Variants in DOCK9 observed in about 807,000 individuals in gnomAD.
The protein encoded by DOCK9 is dedicator of cytokinesis 9, also known as dedicator of cytokinesis protein 9.
In DOCK9, 89 loss-of-function variants were observed where a neutral mutation model predicts 263.3. The observed-to-expected ratio is 0.34, with a 90% CI of 0.28 to 0.40. The LOEUF is 0.40. DOCK9 is among the 10% of genes least tolerant of loss of function. DOCK9 has a pLI of 1.00. For synonymous variants in DOCK9, 976 were observed against 973.1 expected (o/e 1.00, Z -0.06); for missense variants, 2,140 against 2,603.4 (o/e 0.82, Z 3.87).
At chr13:98,882,413 T>C (rs1228488048) in intron 23 of DOCK9, among the ~76,000 whole-genome samples, 2 of 152,218 alleles carry the variant, frequency 1.3e-5, no homozygotes, top group African/African-American at 4.8e-5. Flanking sequence ...ATTGTTTATG[T>C]GGATATGTAT....
intron 1 of DOCK9, chr13:99,025,447 G>A (rs1406092511): frequency 1.3e-5 from 2 of 152,184 alleles, no homozygotes; most frequent in Non-Finnish European, 1.5e-5. Context: ...AAACGACAAT[G>A]AGCTTTCACT....
intron 27 of DOCK9, among the ~76,000 whole-genome samples, chr13:98,874,325 T>C (rs1177799916): frequency 1.3e-5 from 2 of 152,266 alleles, no homozygotes; most frequent in Admixed American, 6.5e-5. Flanking sequence ...CACTACTTTG[T>C]TCCATTTTAT....
intron 2 of DOCK9, among the ~76,000 whole-genome samples, chr13:98,940,089 T>C (rs1320306650): frequency 1.3e-5 from 2 of 152,252 alleles, no homozygotes; most frequent in Non-Finnish European, 2.9e-5. Context: ...TCAGAGCATA[T>C]GACTTGCTTT....
At chr13:98,979,152 A>T (rs1383395344), upstream of DOCK9, among the ~76,000 whole-genome samples, 1 of 150,050 alleles carries the variant, frequency 6.7e-6, no homozygotes, top group East Asian at 1.9e-4. Flanking sequence ...CAGCCGTAGC[A>T]GTAGCAGTAA....
chr13:99,041,344 T>C (rs771584757), intron 1 of DOCK9, among the ~76,000 whole-genome samples: 1 of 152,044 alleles, frequency 6.6e-6, no homozygotes, highest in Non-Finnish European at 1.5e-5. Flanking sequence ...AATAGCCATA[T>C]GTGATGGCAT....
At chr13:98,860,022 C>G (rs951967283) in intron 33 of DOCK9, 3 of 255,860 alleles carry the variant, frequency 1.2e-5, no homozygotes, top group Admixed American at 1.2e-4. Context: ...TCTGGAATTA[C>G]TATGTCATAT....
chr13:98,931,292 A>ATTTAT (rs3029375), intron 2 of DOCK9, among the ~76,000 whole-genome samples: 91,620 of 148,488 alleles, frequency 0.62, 28,695 homozygotes, highest in Middle Eastern at 0.73. Context: ...TAATTTTTTT[A>ATTTAT]TTTATTTTAT....
chr13:98,965,955 A>G (rs1039148178), intron 1 of DOCK9, among the ~76,000 whole-genome samples: 1 of 152,240 alleles, frequency 6.6e-6, no homozygotes. Flanking sequence ...GATTTGACAA[A>G]TCTGACAAAA....
intron 1 of DOCK9, among the ~76,000 whole-genome samples, chr13:99,076,473 T>C (rs1326943898): frequency 6.6e-6 from 1 of 152,250 alleles, no homozygotes; most frequent in Non-Finnish European, 1.5e-5. Context: ...ACAGACAATC[T>C]GAACAGCTTT....
intron 1 of DOCK9, among the ~76,000 whole-genome samples, chr13:98,990,119 A>C (rs977496230): frequency 6.6e-6 from 1 of 152,224 alleles, no homozygotes; most frequent in Non-Finnish European, 1.5e-5. Flanking sequence ...CAAATGTGTG[A>C]CCATCATAGG....
intron 2 of DOCK9, among the ~76,000 whole-genome samples, chr13:98,934,233 C>T (rs146922052): frequency 8.3e-4 from 126 of 152,214 alleles, no homozygotes; most frequent in Non-Finnish European, 1.3e-4. Context: ...AAACTGGGAG[C>T]TTCTGTTACC....
intron 1 of DOCK9, among the ~76,000 whole-genome samples, chr13:99,018,995 A>G (rs976654499): frequency 7.2e-5 from 11 of 152,186 alleles, no homozygotes; most frequent in African/African-American, 1.9e-4. Context: ...CAAATGAATC[A>G]TCCTTTAAAA....
At chr13:99,078,842 A>C (rs2042014002) in intron 1 of DOCK9, among the ~76,000 whole-genome samples, 1 of 152,264 alleles carries the variant, frequency 6.6e-6, no homozygotes, top group African/African-American at 2.4e-5. Context: ...CAAAGTGATA[A>C]AAGTAATACA....
chr13:98,899,294 T>A (rs914209751), intron 13 of DOCK9, among the ~76,000 whole-genome samples: 1 of 152,166 alleles, frequency 6.6e-6, no homozygotes, highest in Non-Finnish European at 1.5e-5. Context: ...AGGATCTAGA[T>A]GACAGAGCTG....
rs549783397 is a variant in DOCK9 at position 98,951,867 on chromosome 13, T to C, written c.243+3568A>G. ...CCCATGGCATTCCTGTCCCTGGCCATGGCAGATCACATGTACTTTACTTCA... is the reference window on the plus strand; with the variant it reads ...CCCATGGCATTCCTGTCCCTGGCCACGGCAGATCACATGTACTTTACTTCA... On this transcript the variant is annotated intron_variant, in intron 2 of 52. Coordinates refer to ENST00000682017, the MANE Select transcript of DOCK9 (RefSeq NM_001366683.2). Among the ~76,000 whole-genome samples the C allele has an allele frequency of 1.1e-4, 16 of 151,792 alleles. No individual in the cohort carries two copies. The South Asian group carries it at 2.7e-3, about 26-fold the overall frequency.
chr13:98,855,832 G>A lies in DOCK9; in HGVS notation c.3831+66C>T. On this transcript the variant is annotated intron_variant, in intron 34 of 52. Transcript: ENST00000682017. The stretch of plus-strand genomic sequence containing the variant: ...CACTTAAAAGGCACTAGAACATGAA[G>A]TACGTTTACTTTGGGCTAAATCCAT... 2.5e-6 allele frequency: 4 copies of A among 1,586,224 alleles called. No homozygotes were observed. The South Asian group carries it at 4.5e-5, about 18-fold the overall frequency.
At chr13:98,846,379 C>T (rs771542063) in intron 37 of DOCK9, 19 of 656,564 alleles carry the variant, frequency 2.9e-5, no homozygotes, top group African/African-American at 3.7e-5. Flanking sequence ...ACTGTCAAAA[C>T]GTCACTAATC....
At chr13:99,015,570 G>A (rs550145839) in intron 1 of DOCK9, 849 of 1,598,162 alleles carry the variant, frequency 5.3e-4, no homozygotes, top group Non-Finnish European at 6.8e-4. Flanking sequence ...AAACGGTGCG[G>A]ATGCCTTTAA....
chr13:99,033,593 G>A (rs534745300), intron 1 of DOCK9, among the ~76,000 whole-genome samples: 2 of 152,294 alleles, frequency 1.3e-5, no homozygotes, highest in South Asian at 2.1e-4. Context: ...CTTTGATCGC[G>A]CAGGTGGTCT....
Sources: gnomAD v4.1 joint callset for allele counts (sites outside exome capture counted in the v4.1 genomes callset) on GRCh38, gnomAD v4.1.1 for gene constraint, MANE v1.5 for transcripts, NCBI Gene and HGNC (gene_info 2026-07-23, HGNC 2026-07-21) for gene names.